Variants in BYSL observed in about 807,000 individuals in gnomAD.
The protein encoded by BYSL is bystin.
In BYSL, 21 loss-of-function variants were observed where a neutral mutation model predicts 45.4. The observed-to-expected ratio is 0.46, with a 90% CI of 0.33 to 0.67. The LOEUF is 0.67. Among genes scored for constraint, BYSL ranks in the 30% least tolerant of loss-of-function variants. BYSL has a pLI of 0.02. For synonymous variants in BYSL, 215 were observed against 231.3 expected, an observed-to-expected ratio of 0.93 and a Z score of 0.64; for missense variants, 522 against 578.5, an observed-to-expected ratio of 0.90 and a Z score of 1.00.
chr6:41,915,614 C>T, the BYSL span, among the ~76,000 whole-genome samples: 3 of 152,126 alleles, frequency 2.0e-5, no homozygotes, highest in East Asian at 1.9e-4. Context: ...GGTGAAACCC[C>T]GTCTCTACTA....
chr6:41,929,901 A>G (rs979908779), intron 2 of BYSL, among the ~76,000 whole-genome samples: 4 of 152,244 alleles, frequency 2.6e-5, no homozygotes, highest in African/African-American at 9.6e-5. Context: ...ACCTCCGTAC[A>G]ACTGCTAGCT....
At chr6:41,921,012 C>T (rs200342223), upstream of BYSL, 60 of 1,613,314 alleles carry the variant, frequency 3.7e-5, no homozygotes, top group Admixed American at 5.0e-5. Flanking sequence ...TACCAAGTCA[C>T]TCCCATGGCG....
Position 41,921,616 on chromosome 6 carries a change from C to T in BYSL, c.54C>T (p.Pro18=). 6.2e-7 allele frequency: 1 copy of T among 1,611,968 alleles called. No individual in the cohort carries two copies. Among genetic ancestry groups the T allele is most frequent in the Non-Finnish European group, 8.5e-7 (1 of 1,178,808 alleles). ...RGVGGQEKHA[P]LADQILAGNA... is the part of the protein sequence containing the mutation. ...TGGGGGGTCAGGAAAAACATGCGCC[C>T]CTGGCCGATCAGATCCTGGCTGGGA... The change falls in exon 1 of 7, where the codon CCC becomes CCT. Residue 18 remains proline (P), a synonymous_variant. Transcript: ENST00000230340.
chr6:41,932,487 G>C lies in BYSL; in HGVS notation c.1095G>C (p.Leu365=). The stretch of plus-strand genomic sequence containing the variant: ...TGGATGCCCTAGTCTTCCACTTCCT[G>C]GGGTTCCGGACAGAGAAGCGTGAAC... ...RVLDALVFHF[L]GFRTEKRELP... is the part of the protein sequence containing the mutation. The change falls in exon 7 of 7, where the codon CTG becomes CTC. Residue 365 remains leucine (L), a synonymous_variant. Transcript: ENST00000230340. This position sits in a 1 kb window ranked among gnomAD's most constrained non-coding sequence, Gnocchi z 4.7. The C allele has an allele frequency of 6.2e-7, 1 of 1,614,198 alleles. No homozygotes were observed. Among genetic ancestry groups the C allele is most frequent in the Non-Finnish European group, 8.5e-7 (1 of 1,180,048 alleles).
At chr6:41,926,952 G>A (rs939924575) in intron 1 of BYSL, among the ~76,000 whole-genome samples, 8 of 151,440 alleles carry the variant, frequency 5.3e-5, no homozygotes, top group East Asian at 4.0e-4. Context: ...AAAATTAGCC[G>A]GGCTGGTGGC....
At chr6:41,930,612 T>G (rs1024921966) in intron 3 of BYSL, 23 bp from the exon 4 acceptor site, 20 of 1,592,084 alleles carry the variant, frequency 1.3e-5, no homozygotes, top group Admixed American at 3.6e-5. Context: ...TGACGATGAT[T>G]GTTTTACCTC....
At position 41,932,507 on chromosome 6, in the gene BYSL, G is replaced by T. The variant is rs757716103; in HGVS notation, c.1115G>T (p.Arg372Leu). The change falls in exon 7 of 7, where the codon CGT (arginine) becomes CTT (leucine). Residue 372 changes from arginine to leucine, a missense_variant. Transcript: ENST00000230340. This position sits in a 1 kb window ranked among gnomAD's most constrained non-coding sequence, Gnocchi z 4.7. ...TTCCTGGGGTTCCGGACAGAGAAGC[G>T]TGAACTGCCTGTGCTGTGGCACCAG... ...FHFLGFRTEK[R>L]ELPVLWHQCL... 7 of 1,614,198 alleles carry T rather than the reference G, an allele frequency of 4.3e-6. No individual in the cohort carries two copies. The highest frequency in any genetic ancestry group is 5.1e-6 in the Non-Finnish European group (6 of 1,180,030).
chr6:41,909,620 T>C, the BYSL span: 3 of 1,528,974 alleles, frequency 2.0e-6, no homozygotes, highest in Non-Finnish European at 2.7e-6. Flanking sequence ...CAGACAGCAA[T>C]CTGGCACTAC....
upstream of BYSL, chr6:41,918,050 T>C (rs746829406): frequency 1.8e-5 from 5 of 272,118 alleles, no homozygotes; most frequent in South Asian, 6.4e-5. Flanking sequence ...TTTCCTCCTA[T>C]GGTGAGTGAA....
chr6:41,926,892 G>A (rs1236267693), intron 1 of BYSL, among the ~76,000 whole-genome samples: 3 of 150,490 alleles, frequency 2.0e-5, no homozygotes, highest in Non-Finnish European at 4.4e-5. Context: ...TCAAGAGATC[G>A]AGACCATTCT....
chr6:41,917,521 C>G, upstream of BYSL: 1 of 287,566 alleles, frequency 3.5e-6, no homozygotes, highest in Non-Finnish European at 7.1e-6. Context: ...TACACTTGGA[C>G]CAGTCCCCCA....
chr6:41,921,870 G>T (rs764994438), intron 1 of BYSL, 40 bp downstream of exon 1: 1 of 1,579,244 alleles, frequency 6.3e-7, no homozygotes, highest in Non-Finnish European at 8.6e-7. Flanking sequence ...ACAGTGGCCA[G>T]TAGTGGGGCG....
At chr6:41,924,065 CTTT>C (rs530503405) in intron 1 of BYSL, among the ~76,000 whole-genome samples, 4 of 143,312 alleles carry the variant, frequency 2.8e-5, no homozygotes, top group Non-Finnish European at 1.5e-5. Context: ...TAGTACTTAT[CTTT>C]TTTTTTTTTT....
Position 41,932,660 on chromosome 6 carries a change from G to T in BYSL, c.1268G>T (p.Ser423Ile), listed in dbSNP as rs1482072890. 3 of 1,613,976 alleles carry T rather than the reference G, an allele frequency of 1.9e-6. No individual in the cohort carries two copies. The African/African-American group carries it at 4.0e-5, about 22-fold the overall frequency. ...LSPEIRRELQ[S>I]AVPRDVEDVP... ...CCCGAAATCAGGCGTGAGCTTCAGA[G>T]TGCAGTCCCCCGCGATGTGGAAGAT... The change falls in exon 7 of 7, where the codon AGT becomes ATT. Residue 423 changes from serine (S) to isoleucine (I), a missense_variant. Coordinates refer to ENST00000230340, the MANE Select transcript of BYSL (RefSeq NM_004053.4). This position sits in a 1 kb window ranked among gnomAD's most constrained non-coding sequence, Gnocchi z 4.7.
At position 41,931,544 on chromosome 6, in the gene BYSL, G is replaced by T. The variant is rs1018777024; in HGVS notation, c.853G>T (p.Ala285Ser). Residue 285 changes from alanine (A) to serine (S), a missense_variant, in exon 5 of 7, where the codon GCC becomes TCC. By Grantham distance (99) the Ala-to-Ser change is moderately conservative. Coordinates refer to ENST00000230340, the MANE Select transcript of BYSL (RefSeq NM_004053.4). ...ALKKALFKPG[A>S]WFKGILIPLC... ...CAAGAAGGCCCTTTTCAAACCTGGA[G>T]CCTGGTTCAAAGGTGGGATCCCAGA... 7 of 1,614,078 alleles carry T rather than the reference G, an allele frequency of 4.3e-6. No individual in the cohort carries two copies. Among genetic ancestry groups the T allele is most frequent in the Non-Finnish European group, 5.1e-6 (6 of 1,180,050 alleles).
At chr6:41,921,233 T>A (rs1020012793), upstream of BYSL, 1 of 665,200 alleles carries the variant, frequency 1.5e-6, no homozygotes, top group East Asian at 2.9e-5. Context: ...ATCTGCGGAT[T>A]CCCGCCCCGA....
At chr6:41,913,192 G>T in the BYSL span, 1 of 152,150 alleles carries the variant, frequency 6.6e-6, no homozygotes, top group Non-Finnish European at 1.5e-5. Context: ...TTGGCGTGGG[G>T]TCTAGCAATC....
chr6:41,909,671 T>G, the BYSL span: 6 of 1,178,186 alleles, frequency 5.1e-6, no homozygotes, highest in Admixed American at 5.1e-5. Context: ...ATCCTCTCAC[T>G]GACAGCCTTT....
chr6:41,910,163 C>T, the BYSL span, among the ~76,000 whole-genome samples: 2 of 152,174 alleles, frequency 1.3e-5, no homozygotes, highest in Admixed American at 1.3e-4. Flanking sequence ...GTCTAGCCAA[C>T]TTGGGAAGCA....
Sources: allele counts gnomAD v4.1 joint callset (sites outside exome capture counted in the v4.1 genomes callset), GRCh38; gene constraint gnomAD v4.1.1; non-coding constraint Gnocchi (gnomAD v3.1); transcripts MANE v1.5; gene names NCBI Gene and HGNC (gene_info 2026-07-23, HGNC 2026-07-21).